Variants in MGAT5 observed in about 807,000 individuals in gnomAD.
The protein encoded by MGAT5 is alpha-1,6-mannosylglycoprotein 6-beta-N-acetylglucosaminyltransferase A.
MGAT5 carries 30 observed loss-of-function variants against 94.3 expected under a neutral mutation model. The ratio of observed to expected loss-of-function variants is 0.32; its 90% CI spans 0.24 to 0.43. The LOEUF (loss-of-function observed/expected upper bound fraction) is 0.43, where lower values mean the gene tolerates loss of function less well. MGAT5 is among the 20% of genes least tolerant of loss of function. The probability of loss-of-function intolerance (pLI) is 1.00; values close to 1 mark genes in which losing one functional copy is unlikely to be tolerated. For synonymous variants in MGAT5, 310 were observed against 322.9 expected, an observed-to-expected ratio of 0.96 and a Z score of 0.43; for missense variants, 691 against 905.5, an observed-to-expected ratio of 0.76 and a Z score of 3.04.
At chr2:134,379,676 A>G (rs958363240) in intron 10 of MGAT5, among the ~76,000 whole-genome samples, 3 of 152,206 alleles carry the variant, frequency 2.0e-5, no homozygotes, top group African/African-American at 7.2e-5. Context: ...GTGGTCTTAC[A>G]TTTGTATCCC....
chr2:134,135,790 C>T (rs1436831113), intron 1 of MGAT5, among the ~76,000 whole-genome samples: 1 of 151,948 alleles, frequency 6.6e-6, no homozygotes, highest in Non-Finnish European at 1.5e-5. Flanking sequence ...GAGCCACAGC[C>T]ATGGGTGGTG....
intron 1 of MGAT5, among the ~76,000 whole-genome samples, chr2:134,170,263 C>T (rs935256394): frequency 9.9e-5 from 15 of 152,192 alleles, no homozygotes; most frequent in Admixed American, 4.6e-4. Flanking sequence ...TTCCGTATCA[C>T]GATAATCCAT....
intron 14 of MGAT5, among the ~76,000 whole-genome samples, chr2:134,439,002 G>A (rs1392713658): frequency 6.6e-6 from 1 of 152,180 alleles, no homozygotes; most frequent in African/African-American, 2.4e-5. Flanking sequence ...CATTCGGGCT[G>A]GAGTAGTCAA....
intron 1 of MGAT5, among the ~76,000 whole-genome samples, chr2:134,245,138 G>A (rs113323317): frequency 3.9e-5 from 6 of 152,162 alleles, no homozygotes; most frequent in African/African-American, 1.4e-4. Context: ...TCAGCCTCCC[G>A]AGTAGCTGGG....
At chr2:134,351,007 T>G (rs1679348599) in intron 9 of MGAT5, among the ~76,000 whole-genome samples, 1 of 152,136 alleles carries the variant, frequency 6.6e-6, no homozygotes. Flanking sequence ...TCACACTCAC[T>G]AAATGTAACA....
At chr2:134,144,360 C>T (rs931068462) in intron 1 of MGAT5, among the ~76,000 whole-genome samples, 2 of 152,060 alleles carry the variant, frequency 1.3e-5, no homozygotes, top group Admixed American at 6.5e-5. Context: ...AAGAGAGAGG[C>T]GGGAGGTGCT....
intron 4 of MGAT5, among the ~76,000 whole-genome samples, chr2:134,327,072 A>AT (rs1687688373): frequency 1.3e-5 from 2 of 152,138 alleles, no homozygotes; most frequent in Non-Finnish European, 2.9e-5. Flanking sequence ...TATCTGAAGC[A>AT]TTTTTTAAAA....
intron 4 of MGAT5, among the ~76,000 whole-genome samples, chr2:134,321,471 C>T (rs1003241010): frequency 6.6e-6 from 1 of 152,158 alleles, no homozygotes; most frequent in South Asian, 2.1e-4. Flanking sequence ...CTCCCTTTGT[C>T]ACACTTCACC....
chr2:134,216,090 G>C (rs1378547172), intron 1 of MGAT5, among the ~76,000 whole-genome samples: 3 of 152,172 alleles, frequency 2.0e-5, no homozygotes, highest in Non-Finnish European at 2.9e-5. Context: ...TCATCTCTCA[G>C]TGGTTCTGTA....
At chr2:134,293,692 A>G (rs962110273) in intron 2 of MGAT5, among the ~76,000 whole-genome samples, 4 of 151,544 alleles carry the variant, frequency 2.6e-5, no homozygotes, top group Non-Finnish European at 4.4e-5. Context: ...CTGGTCTCAA[A>G]CTCCTGAGCT....
At chr2:134,426,579 C>T (rs1284535753) in intron 13 of MGAT5, among the ~76,000 whole-genome samples, 2 of 152,180 alleles carry the variant, frequency 1.3e-5, no homozygotes, top group Admixed American at 6.5e-5. Context: ...TACTTTAACA[C>T]TGATAAATGA....
At chr2:134,219,442 C>T (rs1026765713) in intron 1 of MGAT5, among the ~76,000 whole-genome samples, 1 of 152,084 alleles carries the variant, frequency 6.6e-6, no homozygotes, top group Non-Finnish European at 1.5e-5. Flanking sequence ...TTCTCTCTCC[C>T]ATGCCGGTGA....
intron 3 of MGAT5, among the ~76,000 whole-genome samples, 162 bp from the exon 4 acceptor site, chr2:134,318,488 C>T (rs1257996098): frequency 1.3e-5 from 2 of 152,182 alleles, no homozygotes; most frequent in Non-Finnish European, 2.9e-5. Flanking sequence ...GTGAGCTGCA[C>T]ACCTGGCTAT....
chr2:134,292,288 C>A, intron 2 of MGAT5, among the ~76,000 whole-genome samples: 1 of 152,026 alleles, frequency 6.6e-6, no homozygotes, highest in East Asian at 1.9e-4. Flanking sequence ...ATTCTGAGAC[C>A]CAATGCCTTT....
rs1323025497 is a variant in MGAT5 at position 134,447,718 on chromosome 2, T to G, written c.2028-931T>G. The stretch of plus-strand genomic sequence containing the variant: ...TCATCCCAAGTGGGAGGGAAAGATA[T>G]GAGATAAGAGGCCAAAACTGTTGGG... On this transcript the variant is annotated intron_variant, in intron 15 of 15. Coordinates refer to ENST00000281923, the MANE Select transcript of MGAT5 (RefSeq NM_002410.5). Among the ~76,000 whole-genome samples the G allele has an allele frequency of 2.6e-5, 4 of 152,110 alleles. No homozygotes were observed. The East Asian group carries it at 7.7e-4, about 29-fold the overall frequency.
At chr2:134,400,117 G>C (rs1379352841) in intron 10 of MGAT5, among the ~76,000 whole-genome samples, 1 of 152,302 alleles carries the variant, frequency 6.6e-6, no homozygotes, top group Non-Finnish European at 1.5e-5. Context: ...AATTCGACAT[G>C]TGTGTCCATG....
At chr2:134,327,114 C>A (rs2105935883) in intron 4 of MGAT5, among the ~76,000 whole-genome samples, 2 of 152,146 alleles carry the variant, frequency 1.3e-5, no homozygotes, top group Middle Eastern at 6.8e-3. Context: ...GAGTGGGTAA[C>A]TTCTAGCTCT....
chr2:134,317,493 C>G (rs1312854406), intron 2 of MGAT5, 36 bp from the exon 3 acceptor site: 1 of 1,431,524 alleles, frequency 7.0e-7, no homozygotes, highest in Non-Finnish European at 9.5e-7. Context: ...TTTTATAGAT[C>G]TCATTGTATC....
chr2:134,173,718 C>T (rs1460407191), intron 1 of MGAT5, among the ~76,000 whole-genome samples: 3 of 152,228 alleles, frequency 2.0e-5, no homozygotes, highest in African/African-American at 4.8e-5. Context: ...CCTCCAGAGC[C>T]GTCGGCTTGG....
Sources: gnomAD v4.1 joint callset for allele counts (sites outside exome capture counted in the v4.1 genomes callset) on GRCh38, gnomAD v4.1.1 for gene constraint, MANE v1.5 for transcripts, NCBI Gene and HGNC (gene_info 2026-07-23, HGNC 2026-07-21) for gene names.